Variants in SORCS2 observed in about 807,000 individuals in gnomAD.
SORCS2 encodes sortilin related VPS10 domain containing receptor 2, also known as VPS10 domain-containing receptor SorCS2.
In SORCS2, 100 loss-of-function variants were observed where a neutral mutation model predicts 141.6. The observed-to-expected ratio is 0.71, with a 90% CI of 0.60 to 0.83. The LOEUF (loss-of-function observed/expected upper bound fraction) is 0.83. Among genes scored for constraint, SORCS2 ranks in the 40% least tolerant of loss-of-function variants. SORCS2 has a pLI of 0.00. For synonymous variants in SORCS2, 789 were observed against 676.9 expected (o/e 1.17, Z -2.57); for missense variants, 1,646 against 1,560.2 (o/e 1.05, Z -0.93).
Position 7,462,311 on chromosome 4 carries a change from C to T in SORCS2, c.548+65956C>T, listed in dbSNP as rs543354852. ...GTGAGCGGGAGATGTGAGCAAATCA[C>T]GTACCTTCATGAGCCTCAGCTTGTT... On this transcript the variant is annotated intron_variant, in intron 2 of 26. Transcript: ENST00000507866. 1.1e-4 allele frequency among the ~76,000 whole-genome samples: 17 copies of T among 152,318 alleles called. No homozygotes were observed. The South Asian group carries it at 2.1e-3, about 19-fold the overall frequency.
intron 3 of SORCS2, among the ~76,000 whole-genome samples, chr4:7,609,096 A>G (rs957793081): frequency 6.6e-6 from 1 of 152,016 alleles, no homozygotes; most frequent in African/African-American, 2.4e-5. Context: ...GGGGCTGGTG[A>G]AGGGTTAAGG....
chr4:7,349,190 G>A (rs1486138964), intron 1 of SORCS2, among the ~76,000 whole-genome samples: 1 of 152,194 alleles, frequency 6.6e-6, no homozygotes, highest in African/African-American at 2.4e-5. Flanking sequence ...GGGACCAGGG[G>A]CAGCATGGCT....
intron 1 of SORCS2, among the ~76,000 whole-genome samples, chr4:7,219,170 C>CTGTGTGTATGTGTG: frequency 6.6e-6 from 1 of 150,740 alleles, no homozygotes; most frequent in African/African-American, 2.4e-5. Flanking sequence ...TTTGTCTATG[C>CTGTGTGTATGTGTG]TGTGTGTGTG....
chr4:7,260,308 T>TA (rs1189607541), intron 1 of SORCS2, among the ~76,000 whole-genome samples: 1 of 152,056 alleles, frequency 6.6e-6, no homozygotes, highest in Non-Finnish European at 1.5e-5. Context: ...TGTGTGGGTT[T>TA]ATCATAGGAG....
rs188116184 is a variant in SORCS2, at chr4:7,250,006, C to G, written c.480+56880C>G. ...CTTGTAATCCTAACACTTTGGGAGGCCGAGGCGGGTGAATCACTTGAGGCC... is the reference window on the plus strand; with the variant it reads ...CTTGTAATCCTAACACTTTGGGAGGGCGAGGCGGGTGAATCACTTGAGGCC... On this transcript the variant is annotated intron_variant, in intron 1 of 26. Coordinates refer to ENST00000507866, the MANE Select transcript of SORCS2 (RefSeq NM_020777.3). 1.5e-4 allele frequency among the ~76,000 whole-genome samples: 23 copies of G among 152,252 alleles called. No homozygotes were observed. In the East Asian group the frequency reaches 4.4e-3, roughly 29 times the overall value.
chr4:7,585,672 C>A (rs73214691), intron 3 of SORCS2, among the ~76,000 whole-genome samples: 6 of 152,302 alleles, frequency 3.9e-5, no homozygotes, highest in African/African-American at 1.4e-4. Flanking sequence ...TTGTTTTATG[C>A]GAATGGTTTC....
intron 1 of SORCS2, among the ~76,000 whole-genome samples, chr4:7,315,559 G>A (rs929167375): frequency 2.0e-5 from 3 of 152,206 alleles, no homozygotes; most frequent in Non-Finnish European, 2.9e-5. Context: ...GACCAGGAAC[G>A]TGAGGACTTT....
chr4:7,248,943 G>A (rs1713305769), intron 1 of SORCS2, among the ~76,000 whole-genome samples: 1 of 152,136 alleles, frequency 6.6e-6, no homozygotes, highest in African/African-American at 2.4e-5. Context: ...AGGCCAGCAG[G>A]GTTTTAGCCA....
chr4:7,385,233 C>T (rs1370374454), intron 1 of SORCS2, among the ~76,000 whole-genome samples: 1 of 152,216 alleles, frequency 6.6e-6, no homozygotes, highest in Non-Finnish European at 1.5e-5. Context: ...ATGTGATACC[C>T]ACCCCTCCCC....
chr4:7,431,764 C>G (rs927694679), intron 2 of SORCS2: 1 of 152,230 alleles, frequency 6.6e-6, no homozygotes, highest in South Asian at 2.1e-4. Flanking sequence ...CTGAGGCATC[C>G]AGAATCTCAG....
chr4:7,666,708 T>A (rs1421364308), intron 7 of SORCS2, among the ~76,000 whole-genome samples: 1 of 152,330 alleles, frequency 6.6e-6, no homozygotes. Flanking sequence ...TTGATTGTTA[T>A]GAGGTCAAAT....
intron 3 of SORCS2, among the ~76,000 whole-genome samples, chr4:7,587,912 A>G (rs1341368705): frequency 6.6e-6 from 1 of 152,164 alleles, no homozygotes; most frequent in East Asian, 1.9e-4. Flanking sequence ...CAACAAAAAG[A>G]TGGATTGCTT....
In SORCS2 at chr4:7,351,770, A is replaced by C. The variant is rs547484281; in HGVS notation, c.481-44518A>C. On this transcript the variant is annotated intron_variant, in intron 1 of 26. Coordinates refer to ENST00000507866, the MANE Select transcript of SORCS2 (RefSeq NM_020777.3). ...CTCTCCCCAATCCATGCACTCATCC[A>C]CCCACCCATTTATCATCCATCCATC... is the stretch of plus-strand genomic sequence containing the variant. Among the ~76,000 whole-genome samples, 4 of 151,094 alleles carry C rather than the reference A, an allele frequency of 2.6e-5. No homozygotes were observed. The East Asian group carries it at 7.8e-4, about 29-fold the overall frequency.
intron 1 of SORCS2, among the ~76,000 whole-genome samples, chr4:7,243,991 C>T (rs541467416): frequency 1.1e-4 from 16 of 152,340 alleles, no homozygotes; most frequent in African/African-American, 3.1e-4. Context: ...AGGAAATGCT[C>T]GCCCTGTTCT....
At position 7,735,612 on chromosome 4, in the gene SORCS2, GT is replaced by G. The variant is rs575243089; in HGVS notation, c.3311+1239del. On this transcript the variant is annotated intron_variant, in intron 25 of 26. Coordinates refer to ENST00000507866, the MANE Select transcript of SORCS2 (RefSeq NM_020777.3). ...GATCCTGAAGGATGAATAGGAGTCT[GT>G]GGGGCAAAGAAGTAAAATAGGGTCT... Among the ~76,000 whole-genome samples the G allele has an allele frequency of 3.0e-3, 450 of 152,322 alleles. 2 individuals are homozygous for G. Among genetic ancestry groups the G allele is most frequent in the African/African-American group, 0.011 (438 of 41,570 alleles).
chr4:7,210,080 G>T (rs1727975742), intron 1 of SORCS2, among the ~76,000 whole-genome samples: 1 of 152,204 alleles, frequency 6.6e-6, no homozygotes. Context: ...TGTGATGGGG[G>T]CCTCTGACTG....
At chr4:7,407,091 C>T (rs1017200593) in intron 2 of SORCS2, among the ~76,000 whole-genome samples, 3 of 152,002 alleles carry the variant, frequency 2.0e-5, no homozygotes, top group Admixed American at 6.6e-5. Context: ...AGACCTGTTT[C>T]GTGGCCTAAG....
rs1269132664 is a variant in SORCS2 at position 7,286,362 on chromosome 4, T to C, written c.480+93236T>C. On this transcript the variant is annotated intron_variant, in intron 1 of 26. Coordinates refer to ENST00000507866, the MANE Select transcript of SORCS2 (RefSeq NM_020777.3). The surrounding 1 kb of genome is among the most constrained non-coding windows in gnomAD (Gnocchi z 4.1). ...GAAGAGCCTGGGGTGGCTCTGGGGC[T>C]GGGTTGGGGAGCTACCTACTTTGGC... Among the ~76,000 whole-genome samples, 1 of 152,112 alleles carries C rather than the reference T, an allele frequency of 6.6e-6. No homozygotes were observed. The highest frequency in any genetic ancestry group is 1.9e-4 in the East Asian group (1 of 5,180).
chr4:7,272,673 G>A (rs114409898), intron 1 of SORCS2, among the ~76,000 whole-genome samples: 3,122 of 152,318 alleles, frequency 0.02, 87 homozygotes, highest in African/African-American at 0.065. Flanking sequence ...CCCCACCAGC[G>A]TGAGATGGGG....
Sources: gnomAD v4.1 joint callset for allele counts (sites outside exome capture counted in the v4.1 genomes callset) on GRCh38, gnomAD v4.1.1 for gene constraint, Gnocchi (gnomAD v3.1) non-coding constraint, MANE v1.5 for transcripts, NCBI Gene and HGNC (gene_info 2026-07-23, HGNC 2026-07-21) for gene names.